Variants in KIAA1217 observed in about 807,000 individuals in gnomAD.
KIAA1217 encodes KIAA1217.
KIAA1217 carries 88 observed loss-of-function variants against 163.9 expected under a neutral mutation model. The ratio of observed to expected loss-of-function variants is 0.54; its 90% CI spans 0.45 to 0.64. KIAA1217 has a LOEUF of 0.64. Among genes scored for constraint, KIAA1217 ranks in the 30% least tolerant of loss-of-function variants. KIAA1217 has a pLI of 0.00. For missense variants in KIAA1217, 2,372 were observed against 2,475.0 expected (o/e 0.96, Z 0.88); for synonymous variants, 903 against 923.1 (o/e 0.98, Z 0.39).
chr10:24,366,031 C>A (rs1242512120), intron 2 of KIAA1217, among the ~76,000 whole-genome samples: 1 of 152,032 alleles, frequency 6.6e-6, no homozygotes, highest in African/African-American at 2.4e-5. Context: ...GCTATGGCAC[C>A]CCACTGGCAG....
chr10:24,145,032 T>C (rs140732124), intron 2 of KIAA1217, among the ~76,000 whole-genome samples: 1 of 152,378 alleles, frequency 6.6e-6, no homozygotes, highest in East Asian at 1.9e-4. Context: ...GTTTTCATTA[T>C]AGATCAAAGA....
At chr10:24,331,391 C>CA (rs1222902171) in intron 2 of KIAA1217, among the ~76,000 whole-genome samples, 1 of 152,188 alleles carries the variant, frequency 6.6e-6, no homozygotes, top group Non-Finnish European at 1.5e-5. Flanking sequence ...TAAAAAGCAG[C>CA]AGCATTAATG....
chr10:24,544,443 C>T lies in KIAA1217; in HGVS notation c.5173C>T (p.Leu1725=), dbSNP rs779097776. 1 of 1,613,908 alleles carries T rather than the reference C, an allele frequency of 6.2e-7. No homozygotes were observed. Among genetic ancestry groups the T allele is most frequent in the Non-Finnish European group, 8.5e-7 (1 of 1,179,958 alleles). The change falls in exon 19 of 21, where the codon CTA becomes TTA. Residue 1725 remains leucine, a synonymous_variant. Transcript: ENST00000376454. Reference sequence around the variant, plus strand: ...AGTTCCGGATGAAGGTCCCACTGCCCTAGAGCCCCCTACGTCGATACCTTC... The same window carrying T: ...AGTTCCGGATGAAGGTCCCACTGCCTTAGAGCCCCCTACGTCGATACCTTC... ...LLVPDEGPTA[L]EPPTSIPSAS...
At chr10:23,792,798 G>C (rs992912957) in intron 1 of KIAA1217, among the ~76,000 whole-genome samples, 1 of 151,852 alleles carries the variant, frequency 6.6e-6, no homozygotes, top group African/African-American at 2.4e-5. Context: ...CACTGCGCCC[G>C]GTCTCTTTTT....
intron 2 of KIAA1217, among the ~76,000 whole-genome samples, chr10:24,300,074 A>G (rs2132675709): frequency 6.6e-6 from 1 of 152,352 alleles, no homozygotes; most frequent in East Asian, 1.9e-4. Flanking sequence ...TTTAGCTCAA[A>G]CACTGATGCC....
intron 2 of KIAA1217, among the ~76,000 whole-genome samples, chr10:24,281,444 A>G (rs2077914827): frequency 6.6e-6 from 1 of 152,212 alleles, no homozygotes; most frequent in Non-Finnish European, 1.5e-5. Context: ...TGTTTCCAAC[A>G]TTAATTAGGT....
intron 1 of KIAA1217, among the ~76,000 whole-genome samples, chr10:23,835,365 A>C (rs1838394132): frequency 6.6e-6 from 1 of 151,228 alleles, no homozygotes; most frequent in Admixed American, 6.6e-5. Flanking sequence ...AAATGGAGTG[A>C]TTTTTTTTTG....
At chr10:24,274,558 A>T (rs147183309) in intron 2 of KIAA1217, among the ~76,000 whole-genome samples, 18 of 152,324 alleles carry the variant, frequency 1.2e-4, no homozygotes, top group Middle Eastern at 3.4e-3. Context: ...GTTTGAAAAT[A>T]CAGTCAATTC....
chr10:24,055,735 T>A (rs1350341547), intron 2 of KIAA1217, among the ~76,000 whole-genome samples: 1 of 152,150 alleles, frequency 6.6e-6, no homozygotes, highest in South Asian at 2.1e-4. Flanking sequence ...AACTTCTATT[T>A]ACATTTTTAG....
chr10:23,808,666 G>T (rs1033798811), intron 1 of KIAA1217, among the ~76,000 whole-genome samples: 1 of 151,834 alleles, frequency 6.6e-6, no homozygotes. Flanking sequence ...AAAAATTTAA[G>T]AGAAGAAAAA....
chr10:23,963,170 G>T (rs1022270532), intron 1 of KIAA1217, among the ~76,000 whole-genome samples: 1 of 152,124 alleles, frequency 6.6e-6, no homozygotes, highest in Non-Finnish European at 1.5e-5. Context: ...GAACGTGCAG[G>T]TTTGTTATAT....
At chr10:24,510,599 TTATC>T (rs2068965016) in intron 9 of KIAA1217, among the ~76,000 whole-genome samples, 1 of 152,184 alleles carries the variant, frequency 6.6e-6, no homozygotes, top group Non-Finnish European at 1.5e-5. Flanking sequence ...ACCCATTTAA[TTATC>T]TACTCATTTT....
chr10:23,956,904 A>C (rs1443316305), intron 1 of KIAA1217, among the ~76,000 whole-genome samples: 1 of 152,124 alleles, frequency 6.6e-6, no homozygotes, highest in Admixed American at 6.5e-5. Flanking sequence ...ACCTCCCACC[A>C]GTCTCCACTT....
chr10:24,018,491 T>A (rs1281571678), intron 2 of KIAA1217, among the ~76,000 whole-genome samples: 1 of 151,830 alleles, frequency 6.6e-6, no homozygotes, highest in Non-Finnish European at 1.5e-5. Flanking sequence ...CACACCAACA[T>A]GGCACATGTA....
rs560979425 is a variant in KIAA1217, at chr10:24,176,793, G to T, written c.-170-42833G>T. On this transcript the variant is annotated intron_variant, in intron 2 of 18. Coordinates refer to the KIAA1217 transcript ENST00000376462. ...CGGAGCGGGGGTGGCGCCCATCGGG[G>T]AGGCTCAAGCCATGCGGTAGCCCAC... 1.1e-3 allele frequency among the ~76,000 whole-genome samples: 171 copies of T among 152,340 alleles called. 1 individual carries two copies. Among genetic ancestry groups the T allele is most frequent in the South Asian group, 2.9e-3 (14 of 4,828 alleles).
At chr10:23,926,891 A>C (rs1314953179) in intron 1 of KIAA1217, among the ~76,000 whole-genome samples, 1 of 151,260 alleles carries the variant, frequency 6.6e-6, no homozygotes, top group African/African-American at 2.4e-5. Context: ...AGTCTATCCT[A>C]TTTATTTATC....
At chr10:24,436,182 A>T (rs918256459) in intron 4 of KIAA1217, among the ~76,000 whole-genome samples, 1 of 152,012 alleles carries the variant, frequency 6.6e-6, no homozygotes, top group South Asian at 2.1e-4. Flanking sequence ...AGTTATTTTT[A>T]AAAAACTCTC....
rs184141393 is a variant in KIAA1217, at chr10:24,188,588, T to G, written c.-170-31038T>G. Among the ~76,000 whole-genome samples the G allele has an allele frequency of 3.5e-4, 54 of 152,350 alleles. 1 individual carries two copies. In the East Asian group the frequency reaches 9.5e-3, roughly 27 times the overall value. On this transcript the variant is annotated intron_variant, in intron 2 of 18. Transcript: ENST00000376462. Reference sequence around the variant, plus strand: ...GCAGTATTCAATAGGCTGCTGCCTATTTCAGTTTATTCTTGGTGTTGTTCT... The same window carrying G: ...GCAGTATTCAATAGGCTGCTGCCTAGTTCAGTTTATTCTTGGTGTTGTTCT...
intron 1 of KIAA1217, among the ~76,000 whole-genome samples, chr10:23,972,870 C>T (rs1750396538): frequency 6.6e-6 from 1 of 152,084 alleles, no homozygotes; most frequent in African/African-American, 2.4e-5. Flanking sequence ...GAAAACCAAG[C>T]ACTGCATGTT....
Sources: gnomAD v4.1 joint callset for allele counts (sites outside exome capture counted in the v4.1 genomes callset) on GRCh38, gnomAD v4.1.1 for gene constraint, MANE v1.5 for transcripts, NCBI Gene and HGNC (gene_info 2026-07-23, HGNC 2026-07-21) for gene names.